Variants in OCIAD1 observed in about 807,000 individuals in gnomAD.
The protein encoded by OCIAD1 is OCIA domain containing 1, also known as OCIA domain-containing protein 1.
A neutral mutation model predicts 38.9 loss-of-function variants in OCIAD1; 29 were observed. The observed-to-expected ratio is 0.74, with a 90% CI of 0.55 to 1.02. OCIAD1 has a LOEUF of 1.02. Among genes scored for constraint, OCIAD1 ranks in the 50% least tolerant of loss-of-function variants. OCIAD1 has a pLI of 0.00. For synonymous variants in OCIAD1, 110 were observed against 92.0 expected, an observed-to-expected ratio of 1.20 and a Z score of -1.12; for missense variants, 288 against 289.6, an observed-to-expected ratio of 0.99 and a Z score of 0.04.
chr4:48,839,876 C>T (rs1002220547), intron 3 of OCIAD1, among the ~76,000 whole-genome samples: 1 of 152,152 alleles, frequency 6.6e-6, no homozygotes, highest in African/African-American at 2.4e-5. Flanking sequence ...ATATTACATA[C>T]TGTAGTGGAA....
In OCIAD1 at chr4:48,860,783, G is replaced by A. The variant is rs1780540416; in HGVS notation, c.*21G>A. 1 of 1,587,998 alleles carries A rather than the reference G, an allele frequency of 6.3e-7. No homozygotes were observed. The highest frequency in any genetic ancestry group is 8.6e-7 in the Non-Finnish European group (1 of 1,158,056). ...AGTGAAAAATTACATCATTGGACAT[G>A]AAGGAGTTTCAACATCCAGCTTCAT... On this transcript the variant is annotated 3_prime_UTR_variant, in exon 9 of 9. Transcript: ENST00000264312.
intron 1 of OCIAD1, among the ~76,000 whole-genome samples, chr4:48,810,297 G>A (rs1426457054): frequency 1.3e-5 from 2 of 151,528 alleles, no homozygotes; most frequent in Admixed American, 6.6e-5. Flanking sequence ...GTGAAAACCC[G>A]TCTCTACTAA....
chr4:48,833,503 A>G (rs376020059), intron 3 of OCIAD1, 22 bp downstream of exon 3: 21 of 1,417,468 alleles, frequency 1.5e-5, no homozygotes, highest in Admixed American at 1.3e-4. Flanking sequence ...TTTCTAATTA[A>G]TATAATTTGA....
intron 8 of OCIAD1, among the ~76,000 whole-genome samples, chr4:48,858,720 G>T (rs1193908597): frequency 7.2e-5 from 11 of 152,172 alleles, no homozygotes; most frequent in African/African-American, 2.7e-4. Context: ...CTCCCAGAAT[G>T]CTGGGATTAT....
intron 1 of OCIAD1, chr4:48,805,337 G>A (rs1777014065): frequency 6.6e-6 from 1 of 152,154 alleles, no homozygotes; most frequent in Non-Finnish European, 1.5e-5. Flanking sequence ...CCTGGTAAGA[G>A]ACCCTGAGCC....
At chr4:48,848,106 G>T (rs1288756813) in intron 4 of OCIAD1, among the ~76,000 whole-genome samples, 1 of 145,260 alleles carries the variant, frequency 6.9e-6, no homozygotes, top group African/African-American at 2.5e-5. Flanking sequence ...TTGTTTTTTT[G>T]TTTGTTGTTG....
At chr4:48,809,160 T>C (rs1347883809) in intron 1 of OCIAD1, among the ~76,000 whole-genome samples, 15 of 152,234 alleles carry the variant, frequency 9.9e-5, no homozygotes, top group Admixed American at 3.9e-4. Context: ...TTTTCTACAA[T>C]TCAAACCTTA....
intron 1 of OCIAD1, 141 bp from the exon 2 acceptor site, chr4:48,832,479 G>A (rs1777594679): frequency 1.2e-5 from 8 of 645,452 alleles, no homozygotes; most frequent in East Asian, 2.6e-5. Context: ...TGTGGAGTAC[G>A]TAAGATATAG....
At chr4:48,819,780 C>T (rs1284234182) in intron 1 of OCIAD1, among the ~76,000 whole-genome samples, 1 of 98,078 alleles carries the variant, frequency 1.0e-5, no homozygotes, top group East Asian at 3.6e-4. Context: ...ATAAAACAGA[C>T]TTTAAACCAA....
intron 3 of OCIAD1, among the ~76,000 whole-genome samples, 174 bp downstream of exon 3, chr4:48,833,655 A>G (rs528528525): frequency 1.3e-5 from 2 of 152,374 alleles, no homozygotes; most frequent in East Asian, 3.9e-4. Flanking sequence ...CACACATTTT[A>G]AAGTAATTAT....
At chr4:48,809,813 G>C (rs1267904134) in intron 1 of OCIAD1, among the ~76,000 whole-genome samples, 1 of 152,144 alleles carries the variant, frequency 6.6e-6, no homozygotes, top group Non-Finnish European at 1.5e-5. Context: ...TTCCCAGAAA[G>C]TTTGCCCTGC....
At chr4:48,825,373 G>A (rs947801834) in intron 1 of OCIAD1, among the ~76,000 whole-genome samples, 6 of 152,138 alleles carry the variant, frequency 3.9e-5, no homozygotes, top group Non-Finnish European at 8.8e-5. Context: ...TGAATATCTA[G>A]GTATGCATCC....
intron 4 of OCIAD1, among the ~76,000 whole-genome samples, chr4:48,847,716 G>T (rs1779093308): frequency 6.6e-6 from 1 of 151,762 alleles, no homozygotes; most frequent in African/African-American, 2.4e-5. Flanking sequence ...TGGACTCTTA[G>T]TTTTGGTCAG....
At chr4:48,859,975 G>A (rs934020284) in intron 8 of OCIAD1, among the ~76,000 whole-genome samples, 10 of 152,148 alleles carry the variant, frequency 6.6e-5, no homozygotes, top group African/African-American at 2.4e-4. Context: ...GATATATAAT[G>A]TCTTAGTATA....
intron 1 of OCIAD1, 128 bp downstream of exon 1, chr4:48,831,377 G>A: frequency 1.5e-6 from 1 of 661,346 alleles, no homozygotes; most frequent in South Asian, 1.5e-5. Flanking sequence ...ATCGCGCTCG[G>A]GTCTCGGCCT....
chr4:48,827,101 T>A (rs190712164), upstream of OCIAD1, among the ~76,000 whole-genome samples: 24 of 152,328 alleles, frequency 1.6e-4, no homozygotes, highest in East Asian at 4.2e-3. Context: ...TCTGCTCTAA[T>A]GGAACATAAA....
Position 48,832,651 on chromosome 4 carries a change from G to C in OCIAD1, c.27G>C (p.Glu9Asp). MNGRADFR[E>D]PNAEVPRPIP... ...TGAATGGGAGGGCTGATTTTCGAGA[G>C]CCGAATGCAGAGGTTCCAAGACCAA... is the stretch of plus-strand genomic sequence containing the variant. Residue 9 changes from glutamate to aspartate, a missense_variant, in exon 2 of 9, where the codon GAG (glutamate) becomes GAC (aspartate). By Grantham distance (45) the Glu-to-Asp change is conservative. Coordinates refer to ENST00000264312, the MANE Select transcript of OCIAD1 (RefSeq NM_017830.4). 6.2e-7 allele frequency: 1 copy of C among 1,613,350 alleles called. No individual in the cohort carries two copies. The highest frequency in any genetic ancestry group is 1.7e-4 in the Middle Eastern group (1 of 6,060).
At chr4:48,842,433 G>A (rs1477372592) in intron 3 of OCIAD1, among the ~76,000 whole-genome samples, 1 of 152,116 alleles carries the variant, frequency 6.6e-6, no homozygotes, top group Non-Finnish European at 1.5e-5. Flanking sequence ...AATATTTTGT[G>A]ATGTTTTCTT....
At position 48,851,807 on chromosome 4, in the gene OCIAD1, C is replaced by A. The variant is rs138265241; in HGVS notation, c.379C>A (p.His127Asn). The A allele has an allele frequency of 6.4e-7, 1 of 1,574,206 alleles. No individual in the cohort carries two copies. The highest frequency in any genetic ancestry group is 2.2e-5 in the East Asian group (1 of 44,582). Reference sequence around the variant, plus strand: ...CTACAATATGATTTTCATTTACAGGCACTATTATCAAAAGTCAAAATATGA... The same window carrying A: ...CTACAATATGATTTTCATTTACAGGAACTATTATCAAAAGTCAAAATATGA... ...GQARRSSPPG[H>N]YYQKSKYDSS... The change falls in exon 7 of 9, where the codon CAC becomes AAC. Residue 127 changes from histidine to asparagine, a missense_variant and splice_region_variant. His to Asn is a moderately conservative substitution (Grantham distance 68). Transcript: ENST00000264312.
Sources: gnomAD v4.1 joint callset for allele counts (sites outside exome capture counted in the v4.1 genomes callset) on GRCh38, gnomAD v4.1.1 for gene constraint, MANE v1.5 for transcripts, NCBI Gene and HGNC (gene_info 2026-07-23, HGNC 2026-07-21) for gene names.